ESRRG: variants seen among roughly 807,000 people sequenced by gnomAD.
ESRRG encodes the protein estrogen related receptor gamma, also known as estrogen-related receptor gamma.
A neutral mutation model predicts 44.0 loss-of-function variants in ESRRG; 13 were observed. That is an observed-to-expected ratio of 0.30 (90% CI 0.19 to 0.47). The LOEUF (loss-of-function observed/expected upper bound fraction) is 0.47, where lower values mean the gene tolerates loss of function less well. ESRRG is among the 20% of genes least tolerant of loss of function. The pLI is 1.00. For missense variants in ESRRG, 395 were observed against 580.6 expected, an observed-to-expected ratio of 0.68 and a Z score of 3.29; for synonymous variants, 215 against 214.6, an observed-to-expected ratio of 1.00 and a Z score of -0.02.
chr1:216,767,774 C>T (rs1346329575), intron 2 of ESRRG, among the ~76,000 whole-genome samples: 2 of 152,054 alleles, frequency 1.3e-5, no homozygotes, highest in African/African-American at 2.4e-5. Flanking sequence ...CTTAAGTATG[C>T]ATTTGCTCCC....
intron 1 of ESRRG, among the ~76,000 whole-genome samples, chr1:216,960,580 G>GTGTTTGTT (rs111805075): frequency 0.51 from 76,100 of 150,316 alleles, 21,047 homozygotes; most frequent in Middle Eastern, 0.7. Context: ...ACTCCTCCAT[G>GTGTTTGTT]TGTTTGTTTG....
At chr1:216,608,306 C>T (rs532102794) in intron 3 of ESRRG, among the ~76,000 whole-genome samples, 4 of 152,260 alleles carry the variant, frequency 2.6e-5, no homozygotes, top group South Asian at 2.1e-4. Context: ...TGAAACAATG[C>T]GTATTTCATG....
At chr1:216,531,383 C>T (rs1212457468) in intron 5 of ESRRG, among the ~76,000 whole-genome samples, 2 of 152,018 alleles carry the variant, frequency 1.3e-5, no homozygotes, top group South Asian at 2.1e-4. Flanking sequence ...AATATTTACT[C>T]CCAAGTTCAC....
At chr1:216,747,031 T>C (rs12757183) in intron 2 of ESRRG, among the ~76,000 whole-genome samples, 22,901 of 152,186 alleles carry the variant, frequency 0.15, 2,058 homozygotes, top group South Asian at 0.31. Flanking sequence ...AAAACAGGCT[T>C]CATAGAATTT....
chr1:216,604,754 T>C (rs1196884946), intron 3 of ESRRG, among the ~76,000 whole-genome samples: 1 of 152,226 alleles, frequency 6.6e-6, no homozygotes, highest in East Asian at 1.9e-4. Context: ...CTAACCACCC[T>C]GCATACATTC....
chr1:217,112,048 A>C (rs918931390), intron 1 of ESRRG, among the ~76,000 whole-genome samples: 57 of 152,268 alleles, frequency 3.7e-4, no homozygotes, highest in African/African-American at 1.3e-3. Context: ...GATAACGGCC[A>C]GCCCTGTGAG....
chr1:216,755,487 A>G (rs2092387053), intron 2 of ESRRG, among the ~76,000 whole-genome samples: 1 of 152,080 alleles, frequency 6.6e-6, no homozygotes, highest in Non-Finnish European at 1.5e-5. Flanking sequence ...CAAACTACAT[A>G]CTATATAGAA....
At chr1:216,945,348 G>T (rs2065898005) in intron 1 of ESRRG, among the ~76,000 whole-genome samples, 1 of 152,090 alleles carries the variant, frequency 6.6e-6, no homozygotes, top group African/African-American at 2.4e-5. Context: ...TTATTTAAAA[G>T]ATGTAACATG....
chr1:216,712,503 C>T (rs184899445), intron 1 of ESRRG, among the ~76,000 whole-genome samples: 18 of 152,198 alleles, frequency 1.2e-4, no homozygotes, highest in Admixed American at 9.2e-4. Flanking sequence ...GTATTGGCGA[C>T]GTGATGAATA....
intron 2 of ESRRG, among the ~76,000 whole-genome samples, chr1:216,879,503 A>AAAG (rs930364191): frequency 2.6e-5 from 4 of 151,084 alleles, no homozygotes; most frequent in African/African-American, 4.9e-5. Flanking sequence ...AAAAAAAAAA[A>AAAG]AAGAAGAAGA....
chr1:216,852,042 G>A (rs6656300), intron 2 of ESRRG, among the ~76,000 whole-genome samples: 68,910 of 152,142 alleles, frequency 0.45, 17,318 homozygotes, highest in African/African-American at 0.68. Context: ...CATGCAACCT[G>A]TTGCGGCTGA....
rs79665330 is a variant in ESRRG at position 216,627,340 on chromosome 1, C to T, written c.589+23633G>A. Among the ~76,000 whole-genome samples, 1,083 of 152,200 alleles carry T rather than the reference C, an allele frequency of 7.1e-3. 16 individuals carry two copies. The highest frequency in any genetic ancestry group is 0.025 in the African/African-American group (1,033 of 41,532). On this transcript the variant is annotated intron_variant, in intron 3 of 6. Coordinates refer to ENST00000408911, the MANE Select transcript of ESRRG (RefSeq NM_001438.4). ...CCCTCTGCCTCTACCTCCCATGCACCCCATTCCTGAATTCCCCTCCTTTTC... is the reference window on the plus strand; with the variant it reads ...CCCTCTGCCTCTACCTCCCATGCACTCCATTCCTGAATTCCCCTCCTTTTC...
At chr1:216,532,279 T>C (rs2049611534) in intron 5 of ESRRG, among the ~76,000 whole-genome samples, 1 of 152,138 alleles carries the variant, frequency 6.6e-6, no homozygotes, top group Non-Finnish European at 1.5e-5. Flanking sequence ...CAGTGTGGAC[T>C]GTACTTTTCC....
At chr1:216,566,535 A>G (rs966258104) in intron 4 of ESRRG, among the ~76,000 whole-genome samples, 4 of 152,104 alleles carry the variant, frequency 2.6e-5, no homozygotes, top group African/African-American at 9.7e-5. Flanking sequence ...GCTGGTGCTC[A>G]TTTTTCTTTC....
intron 2 of ESRRG, among the ~76,000 whole-genome samples, chr1:216,788,949 C>T (rs2094220492): frequency 6.6e-6 from 1 of 152,114 alleles, no homozygotes; most frequent in South Asian, 2.1e-4. Context: ...GAAAGTGGAA[C>T]TGAATTGCTG....
intron 1 of ESRRG, among the ~76,000 whole-genome samples, chr1:217,042,463 T>TACACAA (rs2084028419): frequency 1.2e-5 from 1 of 82,698 alleles, no homozygotes; most frequent in African/African-American, 5.0e-5. Flanking sequence ...CACACACACA[T>TACACAA]ACACACACAA....
At chr1:216,659,311 CA>C (rs2071633460) in intron 2 of ESRRG, among the ~76,000 whole-genome samples, 1 of 152,118 alleles carries the variant, frequency 6.6e-6, no homozygotes, top group African/African-American at 2.4e-5. Context: ...TTTGTCCTTG[CA>C]ACACTTCTAG....
intron 2 of ESRRG, among the ~76,000 whole-genome samples, chr1:216,754,373 G>A (rs192179917): frequency 2.9e-4 from 44 of 151,930 alleles, no homozygotes; most frequent in African/African-American, 9.9e-4. Context: ...CTAGAGTCCC[G>A]TATCTTTTTC....
intron 5 of ESRRG, among the ~76,000 whole-genome samples, chr1:216,520,791 C>T (rs762605472): frequency 6.6e-5 from 10 of 152,116 alleles, no homozygotes; most frequent in Admixed American, 1.3e-4. Context: ...ATTTTTACTC[C>T]CTTTCTAGAC....
Sources: allele counts gnomAD v4.1 joint callset (sites outside exome capture counted in the v4.1 genomes callset), GRCh38; gene constraint gnomAD v4.1.1; transcripts MANE v1.5; gene names NCBI Gene and HGNC (gene_info 2026-07-23, HGNC 2026-07-21).